COQ5: variants seen among roughly 807,000 people sequenced by gnomAD.
COQ5 encodes the protein 2-methoxy-6-polyprenyl-1,4-benzoquinol methylase, mitochondrial.
In COQ5, 27 loss-of-function variants were observed where a neutral mutation model predicts 40.5. That is an observed-to-expected ratio of 0.67 (90% CI 0.49 to 0.92). COQ5 has a LOEUF of 0.92. Among genes scored for constraint, COQ5 ranks in the 40% least tolerant of loss-of-function variants. The pLI is 0.00. For missense variants in COQ5, 409 were observed against 406.4 expected, an observed-to-expected ratio of 1.01 and a Z score of -0.06; for synonymous variants, 141 against 150.0, an observed-to-expected ratio of 0.94 and a Z score of 0.44.
At chr12:120,517,270 T>G (rs1467999466) in intron 2 of COQ5, among the ~76,000 whole-genome samples, 1 of 151,886 alleles carries the variant, frequency 6.6e-6, no homozygotes, top group Non-Finnish European at 1.5e-5. Flanking sequence ...GAGAATAGCT[T>G]AAACCTGGGA....
chr12:120,505,021 T>G, intron 4 of COQ5, 38 bp from the exon 5 acceptor site: 1 of 1,527,912 alleles, frequency 6.5e-7, no homozygotes, highest in Non-Finnish European at 9.1e-7. Context: ...CACTCCTCAG[T>G]AGACCTCACT....
rs369744093 is a variant in COQ5, at chr12:120,529,028, T to C, written c.114A>G (p.Leu38=). The change falls in exon 1 of 7, where the codon CTA becomes CTG. Residue 38 remains leucine (L), a synonymous_variant. Coordinates refer to ENST00000288532, the MANE Select transcript of COQ5 (RefSeq NM_032314.4). ...GLRSSWPGDL[L]SARLLSQEKR... ...TCTCTTGGGACAAGAGCCGAGCACTTAGTAGGTCCCCGGGCCAAGAGCTAC... is the reference window on the plus strand; with the variant it reads ...TCTCTTGGGACAAGAGCCGAGCACTCAGTAGGTCCCCGGGCCAAGAGCTAC... The C allele has an allele frequency of 6.2e-7, 1 of 1,613,708 alleles. No homozygotes were observed. The highest frequency in any genetic ancestry group is 1.3e-5 in the African/African-American group (1 of 74,766).
chr12:120,519,612 T>G (rs1869546860), intron 2 of COQ5, among the ~76,000 whole-genome samples: 1 of 151,848 alleles, frequency 6.6e-6, no homozygotes, highest in Admixed American at 6.6e-5. Flanking sequence ...GGCTCATGCC[T>G]ATAATCCCAG....
At chr12:120,517,354 AAAAT>A (rs1328854494) in intron 2 of COQ5, among the ~76,000 whole-genome samples, 18 of 151,672 alleles carry the variant, frequency 1.2e-4, no homozygotes, top group Admixed American at 5.3e-4. Flanking sequence ...CTCCGTCTCA[AAAAT>A]AAATAAATAA....
intron 1 of COQ5, among the ~76,000 whole-genome samples, chr12:120,524,955 G>A (rs1344200777): frequency 6.6e-6 from 1 of 151,794 alleles, no homozygotes; most frequent in African/African-American, 2.4e-5. Flanking sequence ...GGGACTACAG[G>A]CACGTGCCAC....
chr12:120,509,723 G>T (rs1230445353), intron 4 of COQ5: 1 of 355,158 alleles, frequency 2.8e-6, no homozygotes, highest in Non-Finnish European at 5.4e-6. Context: ...CCACTCAAGC[G>T]CCAAGCCCTT....
At chr12:120,528,829 C>T in intron 1 of COQ5, 111 bp downstream of exon 1, 1 of 1,037,526 alleles carries the variant, frequency 9.6e-7, no homozygotes, top group Non-Finnish European at 1.5e-6. Context: ...ATCATAACTG[C>T]ACAGACAACA....
chr12:120,509,781 C>A (rs1268870091), intron 4 of COQ5: 24 of 506,850 alleles, frequency 4.7e-5, no homozygotes, highest in Admixed American at 1.9e-4. Context: ...CTATCTCTCT[C>A]TCTCTCTCTC....
intron 3 of COQ5, among the ~76,000 whole-genome samples, chr12:120,514,533 G>A (rs1162353473): frequency 6.6e-6 from 1 of 151,944 alleles, no homozygotes; most frequent in Non-Finnish European, 1.5e-5. Context: ...ATGAGACCAG[G>A]AGTTCGAGAC....
intron 3 of COQ5, among the ~76,000 whole-genome samples, chr12:120,514,745 A>AAACAACAACAACAACAACAAC (rs375392327): frequency 3.4e-4 from 51 of 147,928 alleles, no homozygotes; most frequent in East Asian, 1.0e-3. Context: ...TCTGTCTCAG[A>AAACAACAACAACAACAACAAC]AACAACAACA....
intron 2 of COQ5, among the ~76,000 whole-genome samples, chr12:120,519,215 C>T (rs768048063): frequency 6.6e-5 from 10 of 151,992 alleles, no homozygotes; most frequent in Non-Finnish European, 1.0e-4. Flanking sequence ...ATGCAATGAG[C>T]GTATATGTGA....
intron 2 of COQ5, 89 bp downstream of exon 2, chr12:120,522,124 CT>C (rs2137090868): frequency 7.3e-7 from 1 of 1,370,326 alleles, no homozygotes; most frequent in African/African-American, 1.4e-5. Context: ...CATCTTCCGC[CT>C]CGTGTTAGGT....
intron 2 of COQ5, among the ~76,000 whole-genome samples, chr12:120,518,460 CTTTG>C (rs1219603660): frequency 7.0e-6 from 1 of 142,896 alleles, no homozygotes; most frequent in African/African-American, 2.5e-5. Context: ...GTTTCCTTGT[CTTTG>C]TTTTTCCTAC....
intron 3 of COQ5, among the ~76,000 whole-genome samples, chr12:120,515,281 A>G (rs1869331700): frequency 6.6e-6 from 1 of 151,842 alleles, no homozygotes; most frequent in Middle Eastern, 3.2e-3. Context: ...GTAGAGACAG[A>G]GTCTCACTAT....
intron 1 of COQ5, chr12:120,523,397 C>A (rs1869772522): frequency 2.6e-6 from 1 of 385,582 alleles, no homozygotes; most frequent in South Asian, 2.2e-5. Flanking sequence ...CATTTCTGTG[C>A]CATTTCGGGA....
intron 1 of COQ5, 68 bp downstream of exon 1, chr12:120,528,872 T>A: frequency 7.1e-7 from 1 of 1,401,988 alleles, no homozygotes; most frequent in Non-Finnish European, 1.0e-6. Flanking sequence ...AAATCAACCC[T>A]AACTGGCCAG....
chr12:120,518,581 C>G (rs904488819), intron 2 of COQ5, among the ~76,000 whole-genome samples: 4 of 148,598 alleles, frequency 2.7e-5, no homozygotes, highest in African/African-American at 9.9e-5. Context: ...TTTTTTTTTC[C>G]CTGAGACGGA....
At chr12:120,523,055 T>A (rs1479617704) in intron 1 of COQ5, 1 of 433,658 alleles carries the variant, frequency 2.3e-6, no homozygotes, top group Non-Finnish European at 4.1e-6. Context: ...GAGATTCTTA[T>A]CGGCCAGGCG....
chr12:120,525,838 T>C (rs979485748), intron 1 of COQ5, among the ~76,000 whole-genome samples: 4 of 151,906 alleles, frequency 2.6e-5, no homozygotes, highest in African/African-American at 9.7e-5. Flanking sequence ...GGCAGGAGAA[T>C]GGCATGAACC....
Sources: gnomAD v4.1 joint callset for allele counts (sites outside exome capture counted in the v4.1 genomes callset) on GRCh38, gnomAD v4.1.1 for gene constraint, MANE v1.5 for transcripts, NCBI Gene and HGNC (gene_info 2026-07-23, HGNC 2026-07-21) for gene names.